The following CRACR2A variants were observed in gnomAD, a reference collection of about 807,000 sequenced individuals.
The protein encoded by CRACR2A is calcium release activated channel regulator 2A.
CRACR2A carries 79 observed loss-of-function variants against 90.5 expected under a neutral mutation model. The ratio of observed to expected loss-of-function variants is 0.87; its 90% CI spans 0.73 to 1.05. CRACR2A has a LOEUF of 1.05. Among genes scored for constraint, CRACR2A ranks in the 50% least tolerant of loss-of-function variants. The pLI, the probability that CRACR2A is intolerant of heterozygous loss-of-function variation, is 0.00. For missense variants in CRACR2A, 823 were observed against 897.2 expected, an observed-to-expected ratio of 0.92 and a Z score of 1.06; for synonymous variants, 338 against 356.7, an observed-to-expected ratio of 0.95 and a Z score of 0.59.
chr12:3,644,566 C>T (rs1420270643), intron 12 of CRACR2A, 29 bp downstream of exon 12: 2 of 1,550,466 alleles, frequency 1.3e-6, no homozygotes, highest in South Asian at 2.4e-5. Flanking sequence ...CCTTGGTCCC[C>T]CACAGGTAAG....
intron 7 of CRACR2A, among the ~76,000 whole-genome samples, chr12:3,663,559 T>C (rs944218301): frequency 6.6e-6 from 1 of 152,220 alleles, no homozygotes; most frequent in Non-Finnish European, 1.5e-5. Context: ...GTCAAGCCTC[T>C]CCACTTCCTC....
intron 12 of CRACR2A, among the ~76,000 whole-genome samples, chr12:3,643,872 A>ATATATTT (rs1293099213): frequency 1.4e-5 from 1 of 70,594 alleles, no homozygotes; most frequent in Non-Finnish European, 2.4e-5. Context: ...TATATATATT[A>ATATATTT]TATATATTTA....
At chr12:3,722,529 C>T (rs367643445) in intron 2 of CRACR2A, among the ~76,000 whole-genome samples, 8 of 152,012 alleles carry the variant, frequency 5.3e-5, no homozygotes, top group East Asian at 1.9e-4. Context: ...AAGTGTGGAG[C>T]GAGGCTGGCA....
intron 3 of CRACR2A, among the ~76,000 whole-genome samples, chr12:3,698,529 C>G (rs1945780787): frequency 6.6e-6 from 1 of 152,210 alleles, no homozygotes; most frequent in Non-Finnish European, 1.5e-5. Context: ...CAGGAATGAA[C>G]TTCATGTAAT....
chr12:3,681,295 A>G (rs1591683069), intron 4 of CRACR2A, among the ~76,000 whole-genome samples: 1 of 152,232 alleles, frequency 6.6e-6, no homozygotes, highest in Non-Finnish European at 1.5e-5. Context: ...CCATTGGCTT[A>G]AGGTATCAAG....
At chr12:3,667,769 T>A (rs1945173831) in intron 7 of CRACR2A, among the ~76,000 whole-genome samples, 1 of 152,194 alleles carries the variant, frequency 6.6e-6, no homozygotes, top group South Asian at 2.1e-4. Context: ...CTGAAATCAG[T>A]CTCTCTCAGT....
intron 17 of CRACR2A, among the ~76,000 whole-genome samples, chr12:3,621,668 A>C (rs1286677750): frequency 6.9e-6 from 1 of 145,082 alleles, no homozygotes; most frequent in East Asian, 2.0e-4. Context: ...AAAAAAAAAA[A>C]AAAAAAAAAA....
rs1192943439 is a variant in CRACR2A at position 3,749,742 on chromosome 12, T to C, written c.-387+3273A>G. 4.6e-5 allele frequency among the ~76,000 whole-genome samples: 7 copies of C among 151,820 alleles called. No homozygotes were observed. The East Asian group carries it at 1.3e-3, about 29-fold the overall frequency. On this transcript the variant is annotated intron_variant, in intron 1 of 19. Transcript: ENST00000440314. Reference sequence around the variant, plus strand: ...AAAAGGCAAAGAAATGACCAATAGATGGATGAGTGGAACAATGTGCTGGTT... The same window carrying C: ...AAAAGGCAAAGAAATGACCAATAGACGGATGAGTGGAACAATGTGCTGGTT...
Position 3,715,300 on chromosome 12 carries a change from C to T in CRACR2A, c.-117-1983G>A, listed in dbSNP as rs61542016. The stretch of plus-strand genomic sequence containing the variant: ...TAGTATGAGAGGGAGCTAATTTGGA[C>T]GGTGGCACTAGCCCTTCACTCAATA... On this transcript the variant is annotated intron_variant, in intron 2 of 19. Coordinates refer to ENST00000440314, the MANE Select transcript of CRACR2A (RefSeq NM_001144958.2). Among the ~76,000 whole-genome samples, 462 of 152,302 alleles carry T rather than the reference C, an allele frequency of 3.0e-3. 3 individuals are homozygous for T. Among genetic ancestry groups the T allele is most frequent in the African/African-American group, 0.01 (433 of 41,574 alleles).
intron 14 of CRACR2A, among the ~76,000 whole-genome samples, chr12:3,636,332 G>A (rs1396834336): frequency 6.6e-6 from 1 of 152,220 alleles, no homozygotes; most frequent in Non-Finnish European, 1.5e-5. Flanking sequence ...GAGCTGTTAT[G>A]TGGCTGCTAG....
chr12:3,752,776 T>G (rs1237395602), intron 1 of CRACR2A: 1 of 152,262 alleles, frequency 6.6e-6, no homozygotes, highest in Non-Finnish European at 1.5e-5. Flanking sequence ...CCCTAGTGCT[T>G]CTCGGCTCTC....
chr12:3,731,038 A>C (rs758851056), intron 2 of CRACR2A: 10 of 152,248 alleles, frequency 6.6e-5, no homozygotes, highest in Non-Finnish European at 1.5e-4. Context: ...CTTCACATTA[A>C]GGGCTCCAAA....
intron 4 of CRACR2A, among the ~76,000 whole-genome samples, chr12:3,684,405 C>T (rs149806958): frequency 1.2e-4 from 18 of 152,162 alleles, no homozygotes; most frequent in South Asian, 6.2e-4. Flanking sequence ...TTGGCACTAC[C>T]GACATTTTGG....
At chr12:3,721,981 G>A (rs1317615465) in intron 2 of CRACR2A, among the ~76,000 whole-genome samples, 1 of 152,188 alleles carries the variant, frequency 6.6e-6, no homozygotes, top group Non-Finnish European at 1.5e-5. Flanking sequence ...TGAATGTCAT[G>A]CCAAATTGAC....
Position 3,717,773 on chromosome 12 carries a change from TG to T in CRACR2A, c.-117-4457del, listed in dbSNP as rs1438507419. Among the ~76,000 whole-genome samples, 4 of 152,226 alleles carry T rather than the reference TG, an allele frequency of 2.6e-5. No individual in the cohort carries two copies. The East Asian group carries it at 7.7e-4, about 29-fold the overall frequency. Reference sequence around the variant, plus strand: ...ATCCTGGTTGACAGCTGTGGAGGGCTGGGCCTGGGGATGCCAGATGTCTCCC... The same window carrying T: ...ATCCTGGTTGACAGCTGTGGAGGGCTGGCCTGGGGATGCCAGATGTCTCCC... On this transcript the variant is annotated intron_variant, in intron 2 of 19. Coordinates refer to ENST00000440314, the MANE Select transcript of CRACR2A (RefSeq NM_001144958.2).
Position 3,746,407 on chromosome 12 carries a change from C to A in CRACR2A, c.-387+6608G>T, listed in dbSNP as rs1026491857. 2.2e-4 allele frequency among the ~76,000 whole-genome samples: 34 copies of A among 151,708 alleles called. No individual in the cohort carries two copies. The highest frequency in any genetic ancestry group is 4.6e-4 in the Non-Finnish European group (31 of 67,910). Reference sequence around the variant, plus strand: ...TCTCTCCTCCCTCTTCCCCACCCTTCCTCCACCCTCCCTCTCCCTTCTTCC... The same window carrying A: ...TCTCTCCTCCCTCTTCCCCACCCTTACTCCACCCTCCCTCTCCCTTCTTCC... On this transcript the variant is annotated intron_variant, in intron 1 of 19. Transcript: ENST00000440314. This position sits in a 1 kb window ranked among gnomAD's most constrained non-coding sequence, Gnocchi z 4.4.
chr12:3,726,327 C>G (rs966849756), intron 2 of CRACR2A: 2 of 152,092 alleles, frequency 1.3e-5, no homozygotes. Context: ...AAAGTGAGCA[C>G]AGAAATGTGA....
At chr12:3,724,323 C>T (rs1487084234) in intron 2 of CRACR2A, among the ~76,000 whole-genome samples, 1 of 152,222 alleles carries the variant, frequency 6.6e-6, no homozygotes, top group Non-Finnish European at 1.5e-5. Context: ...CCTCTAGGCT[C>T]CTGCTGAGCC....
chr12:3,659,750 G>T, intron 7 of CRACR2A, 96 bp from the exon 8 acceptor site: 1 of 956,336 alleles, frequency 1.0e-6, no homozygotes, highest in Non-Finnish European at 1.7e-6. Context: ...CTCTGGAGCT[G>T]TGGGTGTGGG....
Sources: allele counts gnomAD v4.1 joint callset (sites outside exome capture counted in the v4.1 genomes callset), GRCh38; gene constraint gnomAD v4.1.1; non-coding constraint Gnocchi (gnomAD v3.1); transcripts MANE v1.5; gene names NCBI Gene and HGNC (gene_info 2026-07-23, HGNC 2026-07-21).